AHCYL1: variants seen among roughly 807,000 people sequenced by gnomAD.
AHCYL1 encodes S-adenosylhomocysteine hydrolase-like protein 1.
A neutral mutation model predicts 79.3 loss-of-function variants in AHCYL1; 20 were observed. That is an observed-to-expected ratio of 0.25 (90% CI 0.18 to 0.37). The LOEUF (loss-of-function observed/expected upper bound fraction) is 0.37. Among genes scored for constraint, AHCYL1 ranks in the 10% least tolerant of loss-of-function variants. The pLI is 1.00. For synonymous variants in AHCYL1, 223 were observed against 242.2 expected, an observed-to-expected ratio of 0.92 and a Z score of 0.74; for missense variants, 330 against 673.6, an observed-to-expected ratio of 0.49 and a Z score of 5.65.
Position 109,985,008 on chromosome 1 carries a change from AGAGGCGG to A in AHCYL1, c.-43_-37del. ...AGGCGGGCGGGCGCCAGAGGGGGAA[AGAGGCGG>A]GGGCGGCGGGTCAGCCGCTGGCCGG... On this transcript the variant is annotated 5_prime_UTR_variant, in exon 1 of 17. Coordinates refer to ENST00000369799, the MANE Select transcript of AHCYL1 (RefSeq NM_006621.7). 6.7e-7 allele frequency: 1 copy of A among 1,482,926 alleles called. No homozygotes were observed. Among genetic ancestry groups the A allele is most frequent in the Non-Finnish European group, 9.0e-7 (1 of 1,112,814 alleles). The allele number at this position is 1,482,926 out of a possible 1,614,324, so 91.9% of individuals were successfully genotyped here. A position where few individuals can be genotyped will look rare whatever the true frequency, so the allele number is the denominator to read the frequency against.
intron 1 of AHCYL1, among the ~76,000 whole-genome samples, chr1:109,988,704 G>T (rs1649595736): frequency 6.6e-6 from 1 of 152,220 alleles, no homozygotes. Context: ...TAAACATTTT[G>T]ACCTAGGATC....
chr1:109,989,025 T>C (rs1416659919), intron 1 of AHCYL1, among the ~76,000 whole-genome samples: 5 of 152,262 alleles, frequency 3.3e-5, no homozygotes, highest in Non-Finnish European at 7.3e-5. Flanking sequence ...GGTTGGCATT[T>C]CCTATCTTCA....
At chr1:109,992,269 G>A (rs1430449032) in intron 1 of AHCYL1, among the ~76,000 whole-genome samples, 2 of 152,022 alleles carry the variant, frequency 1.3e-5, no homozygotes, top group Non-Finnish European at 2.9e-5. Flanking sequence ...AATTAGCTGG[G>A]TGTGGCAGCA....
chr1:110,017,799 T>C (rs1651518278), intron 10 of AHCYL1, 147 bp from the exon 11 acceptor site: 1 of 902,384 alleles, frequency 1.1e-6, no homozygotes, highest in African/African-American at 1.7e-5. Flanking sequence ...AAGAGGCCAG[T>C]GTATATAGTT....
chr1:110,000,347 C>T (rs967125857), intron 1 of AHCYL1, among the ~76,000 whole-genome samples: 4 of 152,188 alleles, frequency 2.6e-5, no homozygotes, highest in African/African-American at 9.7e-5. Context: ...CTCCTTACTC[C>T]ATCCCCAGAA....
At chr1:110,007,406 A>T (rs965301924) in intron 1 of AHCYL1, among the ~76,000 whole-genome samples, 6 of 152,298 alleles carry the variant, frequency 3.9e-5, no homozygotes, top group Admixed American at 3.9e-4. Flanking sequence ...GTTGGAAGTC[A>T]TTACCTTGGT....
At chr1:110,006,270 G>C (rs1440003380) in intron 1 of AHCYL1, among the ~76,000 whole-genome samples, 2 of 152,280 alleles carry the variant, frequency 1.3e-5, no homozygotes, top group South Asian at 2.1e-4. Context: ...TTTACTTAAA[G>C]ATACTTTCTG....
At chr1:109,998,743 G>A (rs926604516) in intron 1 of AHCYL1, among the ~76,000 whole-genome samples, 11 of 152,298 alleles carry the variant, frequency 7.2e-5, no homozygotes, top group African/African-American at 2.4e-4. Context: ...CTCCCAAAGT[G>A]CTAGGACTAC....
chr1:110,003,132 G>A (rs1650410054), intron 1 of AHCYL1, among the ~76,000 whole-genome samples: 1 of 152,170 alleles, frequency 6.6e-6, no homozygotes, highest in Non-Finnish European at 1.5e-5. Context: ...ATATTCTTGA[G>A]AAAATTGGGG....
Position 109,984,909 on chromosome 1 carries a change from C to T in AHCYL1, c.-144C>T. On this transcript the variant is annotated 5_prime_UTR_variant, in exon 1 of 17. Coordinates refer to ENST00000369799, the MANE Select transcript of AHCYL1 (RefSeq NM_006621.7). Reference sequence around the variant, plus strand: ...AGACAAGGCGTGGGCCACAGCACCTCAGAAGCCGACGCAGCTCGACGCAGG... The same window carrying T: ...AGACAAGGCGTGGGCCACAGCACCTTAGAAGCCGACGCAGCTCGACGCAGG... 1 of 1,278,626 alleles carries T rather than the reference C, an allele frequency of 7.8e-7. No homozygotes were observed. Among genetic ancestry groups the T allele is most frequent in the Non-Finnish European group, 1.0e-6 (1 of 1,003,260 alleles). The allele number at this position is 1,278,626 out of a possible 1,614,324, so 79.2% of individuals were successfully genotyped here.
intron 1 of AHCYL1, among the ~76,000 whole-genome samples, chr1:110,007,601 T>C (rs752551137): frequency 7.9e-5 from 12 of 152,174 alleles, no homozygotes; most frequent in Non-Finnish European, 1.8e-4. Context: ...CTGTAACTAA[T>C]GGGTAGTTTA....
chr1:110,013,048 A>C (rs1401424804), intron 5 of AHCYL1, 49 bp downstream of exon 5: 10 of 1,421,728 alleles, frequency 7.0e-6, no homozygotes, highest in Non-Finnish European at 8.7e-6. Context: ...AGTTATCCAA[A>C]CATATAACTT....
chr1:109,991,141 T>C (rs1375245797), intron 1 of AHCYL1, among the ~76,000 whole-genome samples: 1 of 152,186 alleles, frequency 6.6e-6, no homozygotes, highest in Admixed American at 6.5e-5. Flanking sequence ...TTTAGCCTGG[T>C]GCCTTAATCT....
chr1:109,994,728 C>A (rs1259620570), intron 1 of AHCYL1, among the ~76,000 whole-genome samples: 1 of 152,200 alleles, frequency 6.6e-6, no homozygotes, highest in African/African-American at 2.4e-5. Context: ...GTTCAGTGCC[C>A]AGCTTCTGAG....
At chr1:110,005,286 T>G (rs1008426266) in intron 1 of AHCYL1, among the ~76,000 whole-genome samples, 6 of 152,222 alleles carry the variant, frequency 3.9e-5, no homozygotes, top group Non-Finnish European at 1.5e-5. Flanking sequence ...TTGAGGAAAT[T>G]AAAAGCTGTT....
At chr1:110,008,337 C>T (rs892840833) in intron 1 of AHCYL1, among the ~76,000 whole-genome samples, 1 of 152,082 alleles carries the variant, frequency 6.6e-6, no homozygotes, top group Non-Finnish European at 1.5e-5. Context: ...ACAAAGTTTA[C>T]CAAGTCATTA....
At chr1:110,011,418 A>G (rs1651020386) in intron 3 of AHCYL1, 61 bp downstream of exon 3, 2 of 1,595,724 alleles carry the variant, frequency 1.3e-6, no homozygotes, top group Admixed American at 3.5e-5. Flanking sequence ...ATCAGAATCC[A>G]CAAACAACTT....
chr1:109,989,189 T>G (rs1649625849), intron 1 of AHCYL1, among the ~76,000 whole-genome samples: 1 of 152,200 alleles, frequency 6.6e-6, no homozygotes, highest in African/African-American at 2.4e-5. Context: ...TTAGTTACAC[T>G]CTAGTTTCCA....
intron 1 of AHCYL1, among the ~76,000 whole-genome samples, chr1:109,998,041 CTG>C (rs760983719): frequency 6.6e-6 from 1 of 152,182 alleles, no homozygotes; most frequent in Non-Finnish European, 1.5e-5. Context: ...TATGGAAAAA[CTG>C]TTCTGCTATG....
Sources: gnomAD v4.1 joint callset for allele counts (sites outside exome capture counted in the v4.1 genomes callset) on GRCh38, gnomAD v4.1.1 for gene constraint, MANE v1.5 for transcripts, NCBI Gene and HGNC (gene_info 2026-07-23, HGNC 2026-07-21) for gene names.